The following PCDH9 variants were observed in gnomAD, a reference collection of about 807,000 sequenced individuals.
The protein encoded by PCDH9 is protocadherin-9.
In PCDH9, 24 loss-of-function variants were observed where a neutral mutation model predicts 70.6. The observed-to-expected ratio is 0.34, with a 90% CI of 0.25 to 0.48. The LOEUF (loss-of-function observed/expected upper bound fraction) is 0.48. Among genes scored for constraint, PCDH9 ranks in the 20% least tolerant of loss-of-function variants. The pLI is 0.99. For synonymous variants in PCDH9, 562 were observed against 558.5 expected (o/e 1.01, Z -0.09); for missense variants, 1,281 against 1,503.6 (o/e 0.85, Z 2.45).
intron 2 of PCDH9, among the ~76,000 whole-genome samples, chr13:67,111,576 A>G (rs895596916): frequency 2.0e-5 from 3 of 152,232 alleles, no homozygotes; most frequent in African/African-American, 7.2e-5. Context: ...AGAAATTTCA[A>G]ATTCACTGTT....
intron 3 of PCDH9, among the ~76,000 whole-genome samples, chr13:66,727,616 T>A (rs1323423847): frequency 6.6e-6 from 1 of 152,106 alleles, no homozygotes; most frequent in Non-Finnish European, 1.5e-5. Context: ...TATGGACGTA[T>A]AGAGAGATAG....
At chr13:66,499,612 T>A (rs1258311439) in intron 4 of PCDH9, among the ~76,000 whole-genome samples, 2 of 152,202 alleles carry the variant, frequency 1.3e-5, no homozygotes, top group African/African-American at 4.8e-5. Flanking sequence ...TAGTTATTAA[T>A]CATTTCCTAT....
chr13:67,004,067 AT>A (rs2084299309), intron 2 of PCDH9, among the ~76,000 whole-genome samples: 1 of 152,012 alleles, frequency 6.6e-6, no homozygotes. Context: ...AAACATCCCT[AT>A]TATGTAGTGT....
At chr13:66,336,137 C>T (rs1215173182) in intron 4 of PCDH9, among the ~76,000 whole-genome samples, 1 of 152,064 alleles carries the variant, frequency 6.6e-6, no homozygotes, top group East Asian at 1.9e-4. Flanking sequence ...AATCCACTCC[C>T]TATGCACAGG....
intron 4 of PCDH9, among the ~76,000 whole-genome samples, chr13:66,366,509 C>T (rs375222322): frequency 1.3e-5 from 2 of 151,980 alleles, no homozygotes; most frequent in African/African-American, 4.8e-5. Flanking sequence ...TTAAATCCTT[C>T]TAATAGCATT....
At chr13:67,041,343 A>G (rs1416424466) in intron 2 of PCDH9, among the ~76,000 whole-genome samples, 1 of 152,212 alleles carries the variant, frequency 6.6e-6, no homozygotes, top group East Asian at 1.9e-4. Context: ...AATCACAGAA[A>G]GTGAAACCAT....
chr13:67,146,113 C>A (rs534180282), intron 2 of PCDH9, among the ~76,000 whole-genome samples: 37 of 152,172 alleles, frequency 2.4e-4, no homozygotes, highest in Admixed American at 2.0e-3. Context: ...GTCCACGTTT[C>A]ATTTCAGTCA....
intron 3 of PCDH9, among the ~76,000 whole-genome samples, chr13:66,836,212 C>A (rs557052680): frequency 2.6e-5 from 4 of 152,210 alleles, no homozygotes; most frequent in South Asian, 4.1e-4. Flanking sequence ...AAAGCAATTT[C>A]TCTTATACTC....
In PCDH9 at chr13:67,119,464, C is replaced by A. The variant is rs2086837819; in HGVS notation, c.3036+105941G>T. On this transcript the variant is annotated intron_variant, in intron 2 of 4. Coordinates refer to ENST00000377865, the MANE Select transcript of PCDH9 (RefSeq NM_203487.3). ...ATAGCTATTAAAAATAACTTTCAAA[C>A]ATATTCTTAGACATTGTCTAATATA... 2.0e-5 allele frequency among the ~76,000 whole-genome samples: 3 copies of A among 151,968 alleles called. No homozygotes were observed. In the South Asian group the frequency reaches 6.2e-4, roughly 32 times the overall value.
At chr13:66,399,783 T>A (rs73205680) in intron 4 of PCDH9, among the ~76,000 whole-genome samples, 1 of 150,174 alleles carries the variant, frequency 6.7e-6, no homozygotes, top group Non-Finnish European at 1.5e-5. Flanking sequence ...CCAAAGTAAA[T>A]AAAAAATAAA....
At chr13:66,665,584 T>C (rs1411338561) in intron 3 of PCDH9, among the ~76,000 whole-genome samples, 2 of 152,092 alleles carry the variant, frequency 1.3e-5, no homozygotes, top group Non-Finnish European at 2.9e-5. Context: ...CCAATATACA[T>C]TGTTTCTGTG....
At chr13:67,105,982 G>A (rs2086533358) in intron 2 of PCDH9, among the ~76,000 whole-genome samples, 1 of 151,292 alleles carries the variant, frequency 6.6e-6, no homozygotes. Context: ...AATTTTGAAG[G>A]GACTCTAAGT....
At chr13:66,980,536 C>A (rs976534602) in intron 2 of PCDH9, among the ~76,000 whole-genome samples, 3 of 152,002 alleles carry the variant, frequency 2.0e-5, no homozygotes, top group African/African-American at 7.2e-5. Context: ...TTGAATATTA[C>A]TTCCTATAAG....
At chr13:67,065,703 A>T (rs762038947) in intron 2 of PCDH9, among the ~76,000 whole-genome samples, 1 of 152,202 alleles carries the variant, frequency 6.6e-6, no homozygotes, top group Non-Finnish European at 1.5e-5. Flanking sequence ...TGGCAGGAAA[A>T]TTATAAAGCC....
intron 4 of PCDH9, among the ~76,000 whole-genome samples, chr13:66,592,572 A>G (rs911760741): frequency 1.3e-5 from 2 of 151,752 alleles, no homozygotes; most frequent in African/African-American, 4.8e-5. Context: ...TCTCTTCTAA[A>G]AATCAAGTGT....
At chr13:66,841,259 G>T (rs889928003) in intron 3 of PCDH9, among the ~76,000 whole-genome samples, 6 of 152,078 alleles carry the variant, frequency 3.9e-5, no homozygotes, top group Admixed American at 2.0e-4. Flanking sequence ...ATAAATATAG[G>T]CACATATAAA....
intron 3 of PCDH9, among the ~76,000 whole-genome samples, chr13:66,775,242 A>C (rs1198142122): frequency 3.3e-5 from 5 of 152,204 alleles, no homozygotes; most frequent in Non-Finnish European, 7.3e-5. Context: ...AAATCACTTC[A>C]CATTTTCCAT....
chr13:66,334,011 C>G (rs865853991), intron 4 of PCDH9, among the ~76,000 whole-genome samples: 1 of 152,144 alleles, frequency 6.6e-6, no homozygotes, highest in Non-Finnish European at 1.5e-5. Flanking sequence ...AAGATACTCT[C>G]ACTGGAACAT....
chr13:66,428,525 G>A (rs1005126235), intron 4 of PCDH9, among the ~76,000 whole-genome samples: 5 of 151,642 alleles, frequency 3.3e-5, no homozygotes, highest in African/African-American at 4.8e-5. Context: ...CTTTTAGTCC[G>A]TGGTGAAATG....
Sources: gnomAD v4.1 joint callset for allele counts (sites outside exome capture counted in the v4.1 genomes callset) on GRCh38, gnomAD v4.1.1 for gene constraint, MANE v1.5 for transcripts, NCBI Gene and HGNC (gene_info 2026-07-23, HGNC 2026-07-21) for gene names.